CD44: variants seen among roughly 807,000 people sequenced by gnomAD.
The protein encoded by CD44 is CD44 molecule (IN blood group), also known as CD44 antigen.
Under a neutral mutation model 88.8 loss-of-function variants are expected in CD44, and 49 were observed. That is an observed-to-expected ratio of 0.55 (90% CI 0.44 to 0.70). CD44 has a LOEUF of 0.70. Ranked by LOEUF, CD44 falls within the 30% of genes least tolerant of loss-of-function variation. The pLI is 0.00. For synonymous variants in CD44, 325 were observed against 312.3 expected (o/e 1.04, Z -0.43); for missense variants, 883 against 913.8 (o/e 0.97, Z 0.43).
intron 17 of CD44, among the ~76,000 whole-genome samples, chr11:35,226,966 C>A (rs1351317452): frequency 6.9e-6 from 1 of 145,510 alleles, no homozygotes; most frequent in Non-Finnish European, 1.5e-5. Context: ...CTTACTGCAA[C>A]CTCCACCTCC....
intron 3 of CD44, among the ~76,000 whole-genome samples, chr11:35,184,234 T>C (rs1295501541): frequency 6.6e-6 from 1 of 152,218 alleles, no homozygotes; most frequent in Non-Finnish European, 1.5e-5. Flanking sequence ...TTTGATGTTC[T>C]TTATAAAAGT....
intron 4 of CD44, among the ~76,000 whole-genome samples, chr11:35,188,101 G>C (rs1008426488): frequency 7.9e-5 from 12 of 152,156 alleles, no homozygotes; most frequent in African/African-American, 2.9e-4. Context: ...TCATTTAATG[G>C]GAAACAGTAC....
intron 2 of CD44, among the ~76,000 whole-genome samples, chr11:35,178,736 G>T (rs1293207535): frequency 6.6e-6 from 1 of 152,190 alleles, no homozygotes; most frequent in Admixed American, 6.5e-5. Context: ...TAGAATGTTG[G>T]TGTTATCCAT....
intron 1 of CD44, among the ~76,000 whole-genome samples, chr11:35,172,099 C>A (rs1408406142): frequency 6.6e-6 from 1 of 152,158 alleles, no homozygotes; most frequent in Non-Finnish European, 1.5e-5. Context: ...AGTTAACAAA[C>A]AAAATGCCTT....
At chr11:35,223,983 G>C (rs1949510130) in intron 17 of CD44, among the ~76,000 whole-genome samples, 1 of 152,094 alleles carries the variant, frequency 6.6e-6, no homozygotes, top group Admixed American at 6.5e-5. Context: ...AGAAAGAGAA[G>C]GTAAAAAACA....
At chr11:35,221,812 G>A (rs757558947) in intron 17 of CD44, 80 bp downstream of exon 17, 194 of 1,284,910 alleles carry the variant, frequency 1.5e-4, no homozygotes, top group South Asian at 4.0e-4. Flanking sequence ...TGCTCAGAGC[G>A]TAGTCCCTGG....
At chr11:35,189,699 A>C (rs1164820689) in intron 4 of CD44, 136 bp from the exon 5 acceptor site, 1 of 661,798 alleles carries the variant, frequency 1.5e-6, no homozygotes, top group East Asian at 2.7e-5. Flanking sequence ...TGCATCTGCC[A>C]CTCTCTCCCA....
chr11:35,204,635 C>T lies in CD44; in HGVS notation c.1277C>T (p.Thr426Ile). 6.2e-7 allele frequency: 1 copy of T among 1,612,958 alleles called. No individual in the cohort carries two copies. The highest frequency in any genetic ancestry group is 8.5e-7 in the Non-Finnish European group (1 of 1,179,158). Residue 426 changes from threonine to isoleucine, a missense_variant, in exon 10 of 18, where the codon ACA becomes ATA. Thr to Ile is a moderately conservative substitution (Grantham distance 89). Around this residue, in one of 2 missense-constraint regions of CD44, gnomAD observed 631 missense variants for 590.9 expected, o/e 1.07. Transcript: ENST00000428726. ...PKEDSHSTTGTAAASAHTSHP... is the reference protein window; with the variant it reads ...PKEDSHSTTGIAAASAHTSHP... ...GAAGACTCCCATTCGACAACAGGGA[C>T]AGCTGGTAATGGATGGTTTAACAAG... is the stretch of plus-strand genomic sequence containing the variant.
intron 2 of CD44, among the ~76,000 whole-genome samples, chr11:35,178,005 CTGTA>C (rs975887437): frequency 1.3e-5 from 2 of 152,116 alleles, no homozygotes; most frequent in Non-Finnish European, 2.9e-5. Context: ...ACATAGACAT[CTGTA>C]TGTGTTCAGA....
At chr11:35,151,838 G>T (rs1017620077) in intron 1 of CD44, among the ~76,000 whole-genome samples, 11 of 152,202 alleles carry the variant, frequency 7.2e-5, no homozygotes, top group Admixed American at 6.5e-4. Context: ...AGTCACTTGA[G>T]CCTTTTGTTA....
chr11:35,185,570 C>G (rs1257903586), intron 3 of CD44, among the ~76,000 whole-genome samples: 1 of 147,994 alleles, frequency 6.8e-6, no homozygotes, highest in African/African-American at 2.5e-5. Context: ...GCCTGCCTGT[C>G]TTCCTCCCTC....
chr11:35,196,890 T>C lies in CD44; in HGVS notation c.796+16T>C. 1 of 1,611,664 alleles carries C rather than the reference T, an allele frequency of 6.2e-7. No individual in the cohort carries two copies. The highest frequency in any genetic ancestry group is 8.5e-7 in the Non-Finnish European group (1 of 1,178,346). On this transcript the variant is annotated intron_variant, in intron 6 of 17. Transcript: ENST00000428726. ...CAAATGGCTGGTAATGAGTTATTAT[T>C]ATCTCATAGCGTATGTTTTCTTGAC...
chr11:35,157,117 C>T (rs1211319442), intron 1 of CD44, among the ~76,000 whole-genome samples: 2 of 152,204 alleles, frequency 1.3e-5, no homozygotes, highest in Admixed American at 6.5e-5. Context: ...CTGCTTTATT[C>T]AATGCCTGGA....
chr11:35,156,224 C>A (rs7952493), intron 1 of CD44, among the ~76,000 whole-genome samples: 18,220 of 152,088 alleles, frequency 0.12, 1,406 homozygotes, highest in African/African-American at 0.21. Flanking sequence ...TTTAATGAAC[C>A]CAAAAATGAA....
At chr11:35,174,638 T>A (rs964075854) in intron 1 of CD44, among the ~76,000 whole-genome samples, 1 of 152,236 alleles carries the variant, frequency 6.6e-6, no homozygotes, top group Non-Finnish European at 1.5e-5. Context: ...TTCAGATTAA[T>A]GTCTACAAAA....
chr11:35,210,374 C>T (rs1307066262), intron 13 of CD44: 3 of 162,106 alleles, frequency 1.9e-5, no homozygotes, highest in African/African-American at 7.2e-5. Flanking sequence ...ATCTTTCTAA[C>T]TTTTTTATGT....
At position 35,209,986 on chromosome 11, in the gene CD44, T is replaced by C; in HGVS notation, c.1538T>C (p.Phe513Ser). 1 of 1,577,456 alleles carries C rather than the reference T, an allele frequency of 6.3e-7. No homozygotes were observed. Among genetic ancestry groups the C allele is most frequent in the Non-Finnish European group, 8.6e-7 (1 of 1,165,102 alleles). ...MTTQQSNSQS[F>S]STSHEGLEED... ...ACAGAGCAGAGTAATTCTCAGAGCT[T>C]CTCTACATCACATGAAGGCTTGGAA... Residue 513 changes from phenylalanine (F) to serine (S), a missense_variant, in exon 13 of 18, where the codon TTC becomes TCC. Transcript: ENST00000428726.
At chr11:35,142,894 T>C (rs1283263025) in intron 1 of CD44, among the ~76,000 whole-genome samples, 1 of 152,122 alleles carries the variant, frequency 6.6e-6, no homozygotes, top group East Asian at 1.9e-4. Context: ...CTAAGGATCA[T>C]TTAGAAAATC....
chr11:35,165,997 A>G (rs1447976813), intron 1 of CD44, among the ~76,000 whole-genome samples: 1 of 152,236 alleles, frequency 6.6e-6, no homozygotes, highest in African/African-American at 2.4e-5. Context: ...GAAACTGTAT[A>G]TTGATTAGGT....
Sources: allele counts gnomAD v4.1 joint callset (sites outside exome capture counted in the v4.1 genomes callset), GRCh38; gene constraint gnomAD v4.1.1; regional missense constraint gnomAD v4.1.1; transcripts MANE v1.5; gene names NCBI Gene and HGNC (gene_info 2026-07-23, HGNC 2026-07-21).